C15orf40: variants seen among roughly 807,000 people sequenced by gnomAD.
C15orf40 encodes chromosome 15 open reading frame 40, also known as UPF0235 protein C15orf40.
Under a neutral mutation model 13.9 loss-of-function variants are expected in C15orf40, and 9 were observed. The ratio of observed to expected loss-of-function variants is 0.65; its 90% confidence interval spans 0.39 to 1.13. C15orf40 has a LOEUF of 1.13. Among genes scored for constraint, C15orf40 ranks in the 50% most tolerant of loss-of-function variants. C15orf40 has a pLI of 0.01. For synonymous variants in C15orf40, 95 were observed against 69.2 expected (o/e 1.37, Z -1.85); for missense variants, 225 against 188.5 (o/e 1.19, Z -1.13).
At chr15:83,010,696 T>C (rs1275760625) in intron 1 of C15orf40, 1 of 217,440 alleles carries the variant, frequency 4.6e-6, no homozygotes, top group African/African-American at 2.3e-5. Context: ...TTGTATCTCA[T>C]GCAGTCGGAG....
chr15:82,993,939 G>A (rs2030955875), downstream of C15orf40, among the ~76,000 whole-genome samples: 1 of 152,212 alleles, frequency 6.6e-6, no homozygotes, highest in Admixed American at 6.6e-5. Context: ...GGATGCTGGG[G>A]ACTTTTAGAG....
intron 1 of C15orf40, 142 bp downstream of exon 1, chr15:83,011,355 G>A: frequency 4.4e-6 from 4 of 907,466 alleles, no homozygotes; most frequent in Admixed American, 3.7e-5. Context: ...TGGGGGTGGC[G>A]GCGGCTGTCC....
rs2031109586 is a variant in C15orf40, at chr15:82,996,926, G to A, written c.*8671C>T. The A allele has an allele frequency of 6.6e-6, 1 of 150,840 alleles. No individual in the cohort carries two copies. The highest frequency in any genetic ancestry group is 6.6e-5 in the Admixed American group (1 of 15,154). 9.3% of individuals were successfully genotyped at this position (150,840 alleles called of 1,614,324 possible). A position where few individuals can be genotyped will look rare whatever the true frequency, so the allele number is the denominator to read the frequency against. Reference sequence around the variant, plus strand: ...CCAGCTACTTGGAAGGCTGAGGCAGGAGAATCGCTTGAACCTGGGAGGCGG... The same window carrying A: ...CCAGCTACTTGGAAGGCTGAGGCAGAAGAATCGCTTGAACCTGGGAGGCGG... On this transcript the variant is annotated 3_prime_UTR_variant, in exon 4 of 4. Transcript: ENST00000304177.
At position 83,005,615 on chromosome 15, in the gene C15orf40, C is replaced by G. The variant is rs1567092771; in HGVS notation, c.444G>C (p.Lys148Asn). The change falls in exon 4 of 4, where the codon AAG becomes AAC. Residue 148 changes from lysine (K) to asparagine (N), a missense_variant. Coordinates refer to ENST00000304177, the MANE Select transcript of C15orf40 (RefSeq NM_144597.3). ...CTTGCTTTTATGTTTTTTTGGCTTC[C>G]TTTTTTAATTTCTCCAAGATCTCTT... ...TPEEILEKLK[K>N]EAKKT is the part of the protein sequence containing the mutation. The G allele has an allele frequency of 1.2e-6, 2 of 1,610,226 alleles. No individual in the cohort carries two copies. The highest frequency in any genetic ancestry group is 1.1e-5 in the South Asian group (1 of 90,814).
downstream of C15orf40, chr15:82,989,221 G>C: frequency 6.2e-7 from 1 of 1,604,914 alleles, no homozygotes; most frequent in Non-Finnish European, 8.5e-7. Flanking sequence ...GCAGATAGTT[G>C]ATCTGGCAGA....
chr15:82,999,695 A>G lies in C15orf40; in HGVS notation c.*5902T>C, dbSNP rs554746703. The G allele has an allele frequency of 6.6e-6, 1 of 152,200 alleles. No individual in the cohort carries two copies. The highest frequency in any genetic ancestry group is 2.4e-5 in the African/African-American group (1 of 41,510). The allele number at this position is 152,200 out of a possible 1,614,324, so 9.4% of individuals were successfully genotyped here. ...CCCCTAGGCATCTCTGGGGAAACCT[A>G]AGGCTTTGAAACAGTTTGAACGTCA... On this transcript the variant is annotated 3_prime_UTR_variant, in exon 4 of 4. Coordinates refer to ENST00000304177, the MANE Select transcript of C15orf40 (RefSeq NM_144597.3).
At chr15:83,010,157 C>T (rs1399526823) in intron 2 of C15orf40, 80 bp downstream of exon 2, 2 of 1,562,344 alleles carry the variant, frequency 1.3e-6, no homozygotes, top group Non-Finnish European at 1.7e-6. Flanking sequence ...ATAGAATAAG[C>T]TTTCAGCTAA....
At position 83,000,949 on chromosome 15, in the gene C15orf40, A is replaced by C. The variant is rs1457409061; in HGVS notation, c.*4648T>G. Reference sequence around the variant, plus strand: ...GGCCTCAGCCTCCCAAGTAGCTGGGACTACAGGCATGCATTGCCATGCCCA... The same window carrying C: ...GGCCTCAGCCTCCCAAGTAGCTGGGCCTACAGGCATGCATTGCCATGCCCA... On this transcript the variant is annotated 3_prime_UTR_variant, in exon 4 of 4. Transcript: ENST00000304177. 9.0e-6 allele frequency: 2 copies of C among 223,336 alleles called. No individual in the cohort carries two copies. Among genetic ancestry groups the C allele is most frequent in the African/African-American group, 4.7e-5 (2 of 42,666 alleles). The allele number at this position is 223,336 out of a possible 1,614,324, so 13.8% of individuals were successfully genotyped here.
At chr15:82,994,771 T>C (rs918222352), downstream of C15orf40, 1 of 152,160 alleles carries the variant, frequency 6.6e-6, no homozygotes, top group African/African-American at 2.4e-5. Flanking sequence ...TTTGAAATAT[T>C]AAATAAGGCT....
At chr15:82,990,789 A>T (rs1418391321), downstream of C15orf40, 7 of 703,246 alleles carry the variant, frequency 1.0e-5, no homozygotes, top group Non-Finnish European at 1.5e-5. Context: ...CACACATAAG[A>T]AAGTTTAACT....
At chr15:83,009,011 T>C (rs2151291704) in intron 2 of C15orf40, among the ~76,000 whole-genome samples, 2 of 152,298 alleles carry the variant, frequency 1.3e-5, no homozygotes, top group South Asian at 2.1e-4. Flanking sequence ...GAGTCATAGA[T>C]GGCCTTCAGC....
In C15orf40 at chr15:83,002,558, AT is replaced by A. The variant is rs1475149265; in HGVS notation, c.*3038del. Reference sequence around the variant, plus strand: ...TGCTTTAGGGAACTTGTGTTATAGAATGGCATTCCCTGATCACAGGGGCTGG... The same window carrying A: ...TGCTTTAGGGAACTTGTGTTATAGAAGGCATTCCCTGATCACAGGGGCTGG... On this transcript the variant is annotated 3_prime_UTR_variant, in exon 4 of 4. Coordinates refer to ENST00000304177, the MANE Select transcript of C15orf40 (RefSeq NM_144597.3). The A allele has an allele frequency of 6.6e-6, 1 of 152,256 alleles. No individual in the cohort carries two copies. Among genetic ancestry groups the A allele is most frequent in the Non-Finnish European group, 1.5e-5 (1 of 68,058 alleles). 9.4% of individuals were successfully genotyped at this position (152,256 alleles called of 1,614,324 possible).
At chr15:82,993,519 TTAG>T (rs374561352), downstream of C15orf40, among the ~76,000 whole-genome samples, 54 of 152,322 alleles carry the variant, frequency 3.5e-4, no homozygotes, top group African/African-American at 1.2e-3. Flanking sequence ...TGAGCTAAAA[TTAG>T]TAGCATTTGG....
chr15:82,994,091 T>C (rs1447819798), downstream of C15orf40, among the ~76,000 whole-genome samples: 1 of 152,200 alleles, frequency 6.6e-6, no homozygotes, highest in Non-Finnish European at 1.5e-5. Flanking sequence ...ATTTCTAGCA[T>C]GGTTTTTGTT....
chr15:83,011,269 G>A, intron 1 of C15orf40: 2 of 463,154 alleles, frequency 4.3e-6, no homozygotes, highest in South Asian at 7.9e-5. Context: ...CTGCCGCCGG[G>A]CCCAGCGCTC....
downstream of C15orf40, among the ~76,000 whole-genome samples, chr15:82,992,888 A>AC (rs2030920408): frequency 6.6e-6 from 1 of 152,180 alleles, no homozygotes; most frequent in South Asian, 2.1e-4. Flanking sequence ...ATCAGACTGT[A>AC]CCCCTGCCCC....
In C15orf40 at chr15:82,996,428, CAGG is replaced by C. The variant is rs2151275392; in HGVS notation, c.*9166_*9168del. 2 of 151,726 alleles carry C rather than the reference CAGG, an allele frequency of 1.3e-5. No homozygotes were observed. Among genetic ancestry groups the C allele is most frequent in the South Asian group, 4.2e-4 (2 of 4,774 alleles). The allele number at this position is 151,726 out of a possible 1,614,324, so 9.4% of individuals were successfully genotyped here. On this transcript the variant is annotated 3_prime_UTR_variant, in exon 4 of 4. Coordinates refer to ENST00000304177, the MANE Select transcript of C15orf40 (RefSeq NM_144597.3). Reference sequence around the variant, plus strand: ...GGCCGAGGCAGGCGGATCACGAGGTCAGGAGATCGAGACCATTCTGGCTAACAC... The same window carrying C: ...GGCCGAGGCAGGCGGATCACGAGGTCAGATCGAGACCATTCTGGCTAACAC...
rs1302709345 is a variant in C15orf40 at position 83,001,617 on chromosome 15, T to C, written c.*3980A>G. ...AGACAAATGTTACGGAGGCTGAATA[T>C]TTTGTGTCTTGGGCACTAGGTCACT... On this transcript the variant is annotated 3_prime_UTR_variant, in exon 4 of 4. Transcript: ENST00000304177. 1.3e-5 allele frequency: 2 copies of C among 152,186 alleles called. No individual in the cohort carries two copies. The highest frequency in any genetic ancestry group is 2.4e-5 in the African/African-American group (1 of 41,442). The allele number at this position is 152,186 out of a possible 1,614,324, so 9.4% of individuals were successfully genotyped here. A position where few individuals can be genotyped will look rare whatever the true frequency, so the allele number is the denominator to read the frequency against.
In C15orf40 at chr15:82,995,957, A is replaced by G. The variant is rs1224659256; in HGVS notation, c.*9640T>C. ...GGGCTGCTTAGGTGCAAGAAGGACA[A>G]GTCGCATAATTTTCACCAGTGTCTT... On this transcript the variant is annotated 3_prime_UTR_variant, in exon 4 of 4. Transcript: ENST00000304177. The G allele has an allele frequency of 6.6e-6, 1 of 152,318 alleles. No individual in the cohort carries two copies. The highest frequency in any genetic ancestry group is 1.9e-4 in the East Asian group (1 of 5,194). The allele number at this position is 152,318 out of a possible 1,614,324, so 9.4% of individuals were successfully genotyped here.
Sources: gnomAD v4.1 joint callset for allele counts (sites outside exome capture counted in the v4.1 genomes callset) on GRCh38, gnomAD v4.1.1 for gene constraint, MANE v1.5 for transcripts, NCBI Gene and HGNC (gene_info 2026-07-23, HGNC 2026-07-21) for gene names.